The following TMEM132D variants were observed in gnomAD, a reference collection of about 807,000 sequenced individuals.
TMEM132D encodes transmembrane protein 132D, also known as mature OL transmembrane protein.
A neutral mutation model predicts 62.3 loss-of-function variants in TMEM132D; 21 were observed. That is an observed-to-expected ratio of 0.34 (90% CI 0.24 to 0.49). The LOEUF is 0.49. Among genes scored for constraint, TMEM132D ranks in the 20% least tolerant of loss-of-function variants. TMEM132D has a pLI of 0.99. For synonymous variants in TMEM132D, 621 were observed against 575.6 expected (o/e 1.08, Z -1.13); for missense variants, 1,346 against 1,402.8 (o/e 0.96, Z 0.65).
intron 2 of TMEM132D, among the ~76,000 whole-genome samples, chr12:129,573,901 G>C (rs866098125): frequency 2.5e-4 from 38 of 151,766 alleles, no homozygotes; most frequent in Middle Eastern, 6.8e-3. Flanking sequence ...ATCTACTCTA[G>C]GATGGAAAAA....
At position 129,236,514 on chromosome 12, in the gene TMEM132D, C is replaced by CAAAA. The variant is rs60745384; in HGVS notation, c.1300-26855_1300-26852dup. On this transcript the variant is annotated intron_variant, in intron 4 of 8. Coordinates refer to ENST00000422113, the MANE Select transcript of TMEM132D (RefSeq NM_133448.3). ...TGGGCAATGGAGTGAGACTCCATCT[C>CAAAA]AAAAAAAAAAAAAAAAAGAAAAAAA... Among the ~76,000 whole-genome samples, 457 of 67,024 alleles carry CAAAA rather than the reference C, an allele frequency of 6.8e-3. 13 individuals are homozygous for CAAAA. The highest frequency in any genetic ancestry group is 0.024 in the African/African-American group (433 of 18,142). The allele number at this position is 67,024 out of a possible 152,430, so 44.0% of individuals were successfully genotyped here.
At chr12:129,235,673 G>A (rs1318701753) in intron 4 of TMEM132D, among the ~76,000 whole-genome samples, 1 of 152,044 alleles carries the variant, frequency 6.6e-6, no homozygotes, top group Non-Finnish European at 1.5e-5. Context: ...CAACCTATAC[G>A]TTTCTGTGCA....
intron 2 of TMEM132D, among the ~76,000 whole-genome samples, chr12:129,625,857 A>G (rs965241391): frequency 2.0e-5 from 3 of 152,168 alleles, no homozygotes; most frequent in Non-Finnish European, 2.9e-5. Flanking sequence ...TAAAGTCTCA[A>G]TTTAGGATGT....
intron 1 of TMEM132D, among the ~76,000 whole-genome samples, chr12:129,794,045 T>C (rs1871480115): frequency 6.6e-6 from 1 of 151,796 alleles, no homozygotes; most frequent in Admixed American, 6.6e-5. Context: ...TTCTTGAGTT[T>C]ATACTGCAGT....
intron 5 of TMEM132D, among the ~76,000 whole-genome samples, chr12:129,125,666 T>C (rs1876191295): frequency 5.9e-5 from 9 of 151,592 alleles, no homozygotes; most frequent in Admixed American, 5.9e-4. Context: ...TTTTCTTTTC[T>C]TTTTTCTTTT....
intron 5 of TMEM132D, chr12:129,110,497 A>C (rs1210089316): frequency 1.3e-5 from 2 of 152,238 alleles, no homozygotes; most frequent in African/African-American, 4.8e-5. Flanking sequence ...ATACCAATGA[A>C]CATGAGATAT....
Position 129,449,904 on chromosome 12 carries a change from A to T in TMEM132D, c.1115+81155T>A, listed in dbSNP as rs115925086. Among the ~76,000 whole-genome samples, 982 of 152,274 alleles carry T rather than the reference A, an allele frequency of 6.4e-3. 16 individuals are homozygous for T. The highest frequency in any genetic ancestry group is 0.023 in the African/African-American group (938 of 41,544). ...AGTCCGTGGGTCTTGTGATCAAAAGATTTTCAAAAACAATTTTGACTCTAA... is the reference window on the plus strand; with the variant it reads ...AGTCCGTGGGTCTTGTGATCAAAAGTTTTTCAAAAACAATTTTGACTCTAA... On this transcript the variant is annotated intron_variant, in intron 3 of 8. Transcript: ENST00000422113.
At chr12:129,116,827 T>C (rs1875905125) in intron 5 of TMEM132D, among the ~76,000 whole-genome samples, 1 of 150,050 alleles carries the variant, frequency 6.7e-6, no homozygotes, top group African/African-American at 2.5e-5. Context: ...GGAAGACAGT[T>C]TGGTAGTTTC....
rs567400936 is a variant in TMEM132D at position 129,619,351 on chromosome 12, C to CTA, written c.968+80457_968+80458dup. On this transcript the variant is annotated intron_variant, in intron 2 of 8. Coordinates refer to ENST00000422113, the MANE Select transcript of TMEM132D (RefSeq NM_133448.3). ...GAAATTCTCTGATAAAAATGGTGCTCTAAAAGGGACAGGTTTTATCACACT... is the reference window on the plus strand; with the variant it reads ...GAAATTCTCTGATAAAAATGGTGCTCTATAAAAGGGACAGGTTTTATCACACT... 4.9e-3 allele frequency among the ~76,000 whole-genome samples: 742 copies of CTA among 152,280 alleles called. 4 individuals carry two copies. Among genetic ancestry groups the CTA allele is most frequent in the Non-Finnish European group, 6.7e-3 (458 of 68,022 alleles).
chr12:129,464,184 G>T (rs1051606078), intron 3 of TMEM132D, among the ~76,000 whole-genome samples: 5 of 151,404 alleles, frequency 3.3e-5, no homozygotes, highest in Non-Finnish European at 7.4e-5. Flanking sequence ...GTGTGAGATG[G>T]TATCTCATTG....
At chr12:129,777,589 C>G (rs1870981505) in intron 1 of TMEM132D, among the ~76,000 whole-genome samples, 2 of 152,190 alleles carry the variant, frequency 1.3e-5, no homozygotes, top group South Asian at 4.1e-4. Flanking sequence ...GAACCCAGCT[C>G]TGGAAATATG....
intron 4 of TMEM132D, among the ~76,000 whole-genome samples, chr12:129,336,031 A>G (rs543363672): frequency 6.6e-6 from 1 of 152,324 alleles, no homozygotes; most frequent in Non-Finnish European, 1.5e-5. Context: ...TGACTGCTGA[A>G]GTAGAAGGAA....
intron 1 of TMEM132D, among the ~76,000 whole-genome samples, chr12:129,747,244 C>T (rs539990610): frequency 7.3e-6 from 1 of 136,992 alleles, no homozygotes; most frequent in Non-Finnish European, 1.6e-5. Context: ...TCACAGTGAC[C>T]CGGGCGGGGC....
At chr12:129,106,202 G>A (rs1250315129) in intron 5 of TMEM132D, among the ~76,000 whole-genome samples, 1 of 149,602 alleles carries the variant, frequency 6.7e-6, no homozygotes, top group Non-Finnish European at 1.5e-5. Context: ...TCACTCACAG[G>A]TGGGAATTGA....
chr12:129,623,275 T>G (rs1441977483), intron 2 of TMEM132D, among the ~76,000 whole-genome samples: 2 of 152,210 alleles, frequency 1.3e-5, no homozygotes, highest in African/African-American at 4.8e-5. Context: ...AATTCTTTGC[T>G]TTTTATTTTG....
rs562151905 is a variant in TMEM132D, at chr12:129,441,778, A to G, written c.1115+89281T>C. On this transcript the variant is annotated intron_variant, in intron 3 of 8. Transcript: ENST00000422113. ...GGAGTAAATAAAGAAAATGTCACAC[A>G]TATACACTGTGGAATCTTACACAGT... 3.9e-5 allele frequency among the ~76,000 whole-genome samples: 6 copies of G among 152,338 alleles called. No homozygotes were observed. In the South Asian group the frequency reaches 6.2e-4, roughly 16 times the overall value.
intron 4 of TMEM132D, among the ~76,000 whole-genome samples, chr12:129,262,997 T>G (rs1880591466): frequency 1.3e-5 from 2 of 152,108 alleles, no homozygotes; most frequent in South Asian, 4.1e-4. Flanking sequence ...GCTCCAACAA[T>G]AGAGCAGACA....
intron 3 of TMEM132D, 77 bp from the exon 4 acceptor site, chr12:129,337,894 C>G: frequency 3.4e-6 from 5 of 1,468,296 alleles, no homozygotes; most frequent in Non-Finnish European, 4.5e-6. Flanking sequence ...GTGGGCGGCC[C>G]TTGGCCATTT....
At chr12:129,096,203 T>C (rs1167293945) in intron 5 of TMEM132D, among the ~76,000 whole-genome samples, 1 of 152,116 alleles carries the variant, frequency 6.6e-6, no homozygotes, top group African/African-American at 2.4e-5. Context: ...TGAGATTAGG[T>C]GACTTATTAA....
Sources: allele counts gnomAD v4.1 joint callset (sites outside exome capture counted in the v4.1 genomes callset), GRCh38; gene constraint gnomAD v4.1.1; transcripts MANE v1.5; gene names NCBI Gene and HGNC (gene_info 2026-07-23, HGNC 2026-07-21).